Variants in SMIM17 observed in about 807,000 individuals in gnomAD.
SMIM17 encodes the protein small integral membrane protein 17.
A neutral mutation model predicts 12.2 loss-of-function variants in SMIM17; 10 were observed. The observed-to-expected ratio is 0.82, with a 90% CI of 0.50 to 1.39. SMIM17 has a LOEUF of 1.39. Ranked by LOEUF, SMIM17 falls within the 40% of genes most tolerant of loss-of-function variation. The pLI is 0.00. For synonymous variants in SMIM17, 50 were observed against 44.1 expected, an observed-to-expected ratio of 1.13 and a Z score of -0.53; for missense variants, 136 against 118.2, an observed-to-expected ratio of 1.15 and a Z score of -0.70.
At chr19:56,646,200 G>A (rs1163948163) in intron 2 of SMIM17, among the ~76,000 whole-genome samples, 2 of 152,146 alleles carry the variant, frequency 1.3e-5, no homozygotes, top group African/African-American at 2.4e-5. Context: ...CTGAGGACAG[G>A]CCATGTGTCT....
chr19:56,653,007 T>C (rs1419654442), intron 3 of SMIM17, among the ~76,000 whole-genome samples: 1 of 152,244 alleles, frequency 6.6e-6, no homozygotes, highest in Non-Finnish European at 1.5e-5. Context: ...CCTGTATTTA[T>C]TACATTTTCT....
Position 56,645,787 on chromosome 19 carries a change from C to T in SMIM17, c.120C>T (p.Asp40=). 6.5e-7 allele frequency: 1 copy of T among 1,535,850 alleles called. No individual in the cohort carries two copies. Among genetic ancestry groups the T allele is most frequent in the Non-Finnish European group, 8.7e-7 (1 of 1,146,808 alleles). ...CTCCTCATCCCGCCTGCACCAAAGA[C>T]TGGGAGGCTGTGGAGGTTGGGGCCT... The part of the protein sequence containing the change: ...EKPPHPACTK[D]WEAVEVGASS... The change falls in exon 2 of 4, where the codon GAC becomes GAT. Residue 40 remains aspartate (D), a synonymous_variant. Transcript: ENST00000598409.
intron 3 of SMIM17, among the ~76,000 whole-genome samples, chr19:56,654,838 A>G (rs1316047422): frequency 6.6e-6 from 1 of 152,234 alleles, no homozygotes. Context: ...ATTAGAGCAT[A>G]GATGGTATGT....
In SMIM17 at chr19:56,643,200, G is replaced by A. The variant is rs2045036943; in HGVS notation, c.-111G>A. On this transcript the variant is annotated 5_prime_UTR_variant, in exon 1 of 4. Transcript: ENST00000598409. ...GCTCTGCAGAGCCCAGACAGGGTCC[G>A]GTTGGGGAGGGTGAGTCCTTCGAGG... is the stretch of plus-strand genomic sequence containing the variant. 6.6e-6 allele frequency: 1 copy of A among 152,406 alleles called. No individual in the cohort carries two copies. Among genetic ancestry groups the A allele is most frequent in the Non-Finnish European group, 1.5e-5 (1 of 68,200 alleles). The allele number at this position is 152,406 out of a possible 1,614,324, so 9.4% of individuals were successfully genotyped here.
intron 3 of SMIM17, among the ~76,000 whole-genome samples, chr19:56,649,449 CT>C (rs1350664115): frequency 6.6e-6 from 1 of 152,044 alleles, no homozygotes; most frequent in African/African-American, 2.4e-5. Flanking sequence ...AAATAAGCAG[CT>C]AAAATATGAA....
At chr19:56,643,557 C>T (rs1029778235) in intron 1 of SMIM17, among the ~76,000 whole-genome samples, 1 of 152,138 alleles carries the variant, frequency 6.6e-6, no homozygotes, top group South Asian at 2.1e-4. Context: ...GCGCTCGTCT[C>T]GCTGGGGCTT....
chr19:56,646,092 G>C (rs554572439), intron 2 of SMIM17, among the ~76,000 whole-genome samples: 25 of 152,304 alleles, frequency 1.6e-4, no homozygotes, highest in Admixed American at 1.2e-3. Context: ...GCCTGTGCTT[G>C]TCTGTGCAGC....
At chr19:56,650,318 C>T (rs145911704) in intron 3 of SMIM17, among the ~76,000 whole-genome samples, 4 of 152,230 alleles carry the variant, frequency 2.6e-5, no homozygotes, top group African/African-American at 9.6e-5. Context: ...GGACTACAGG[C>T]GCACACCACC....
rs183334761 is a variant in SMIM17, at chr19:56,657,246, G to A, written c.*2033G>A. On this transcript the variant is annotated 3_prime_UTR_variant, in exon 4 of 4. Transcript: ENST00000598409. Reference sequence around the variant, plus strand: ...ACTCAATAAATGTTAATTAAAACCTGATTCTGAATCCTTTGTTAAATATAA... The same window carrying A: ...ACTCAATAAATGTTAATTAAAACCTAATTCTGAATCCTTTGTTAAATATAA... 3.0e-4 allele frequency among the ~76,000 whole-genome samples: 46 copies of A among 152,226 alleles called. No homozygotes were observed. Among genetic ancestry groups the A allele is most frequent in the Admixed American group, 1.8e-3 (28 of 15,288 alleles).
Position 56,647,351 on chromosome 19 carries a change from ATGTGTGTTTGTGTGTGTGTGGGGT to A in SMIM17, c.170-186_170-163del, listed in dbSNP as rs1293662978. 9.8e-3 allele frequency among the ~76,000 whole-genome samples: 1,466 copies of A among 150,348 alleles called. 24 individuals carry two copies. Among genetic ancestry groups the A allele is most frequent in the African/African-American group, 0.034 (1,369 of 40,860 alleles). On this transcript the variant is annotated intron_variant, in intron 2 of 3. Coordinates refer to ENST00000598409, the MANE Select transcript of SMIM17 (RefSeq NM_001193628.2). ...CCCATCTGAATCATCACATAGGCAT[ATGTGTGTTTGTGTGTGTGTGGGGT>A]TGTGTGTTTGTGTGTGTGTGAGAGA...
At chr19:56,643,666 A>C (rs935153851) in intron 1 of SMIM17, among the ~76,000 whole-genome samples, 12 of 152,118 alleles carry the variant, frequency 7.9e-5, no homozygotes, top group African/African-American at 2.9e-4. Context: ...CCTGTGGACC[A>C]CCCTGCAACG....
intron 3 of SMIM17, among the ~76,000 whole-genome samples, chr19:56,652,446 A>T (rs574390362): frequency 6.6e-6 from 1 of 152,172 alleles, no homozygotes; most frequent in Admixed American, 6.5e-5. Flanking sequence ...CGGGGTCAGG[A>T]GTTCAAGACC....
intron 3 of SMIM17, among the ~76,000 whole-genome samples, chr19:56,654,431 C>T (rs146624191): frequency 1.3e-5 from 2 of 152,298 alleles, no homozygotes; most frequent in East Asian, 3.9e-4. Context: ...ATTATCAAGA[C>T]AAGAAACAAA....
At position 56,655,704 on chromosome 19, in the gene SMIM17, T is replaced by C. The variant is rs1440170596; in HGVS notation, c.*491T>C. The C allele has an allele frequency of 1.9e-5, 3 of 155,474 alleles. No individual in the cohort carries two copies. Among genetic ancestry groups the C allele is most frequent in the African/African-American group, 7.2e-5 (3 of 41,566 alleles). The allele number at this position is 155,474 out of a possible 1,614,324, so 9.6% of individuals were successfully genotyped here. ...CTATCTTTGTGAAGTTTTGGTATCA[T>C]GGTTAAGCTTGCATCATAGAAAGAC... On this transcript the variant is annotated 3_prime_UTR_variant, in exon 4 of 4. Coordinates refer to ENST00000598409, the MANE Select transcript of SMIM17 (RefSeq NM_001193628.2).
At chr19:56,649,532 C>T (rs547336842) in intron 3 of SMIM17, among the ~76,000 whole-genome samples, 2 of 152,132 alleles carry the variant, frequency 1.3e-5, no homozygotes, top group South Asian at 2.1e-4. Context: ...GGAGCTGGGG[C>T]TGGGGGTTGC....
In SMIM17 at chr19:56,646,315, G is replaced by C. The variant is rs76651737; in HGVS notation, c.169+479G>C. Reference sequence around the variant, plus strand: ...TTTCAAGCACTGGAAGATTTGAAGAGGAAAAACACATGATCTCATTTGCAT... The same window carrying C: ...TTTCAAGCACTGGAAGATTTGAAGACGAAAAACACATGATCTCATTTGCAT... On this transcript the variant is annotated intron_variant, in intron 2 of 3. Transcript: ENST00000598409. Among the ~76,000 whole-genome samples, 479 of 152,256 alleles carry C rather than the reference G, an allele frequency of 3.1e-3. 5 individuals are homozygous for C. The highest frequency in any genetic ancestry group is 0.011 in the African/African-American group (458 of 41,554).
chr19:56,645,773 G>T lies in SMIM17; in HGVS notation c.106G>T (p.Ala36Ser), dbSNP rs766739930. The T allele has an allele frequency of 1.7e-5, 26 of 1,535,730 alleles. No homozygotes were observed. Among genetic ancestry groups the T allele is most frequent in the Non-Finnish European group, 2.1e-5 (24 of 1,146,808 alleles). Residue 36 changes from alanine to serine, a missense_variant, in exon 2 of 4, where the codon GCC (alanine) becomes TCC (serine). Physicochemically the swap from Ala to Ser is moderately conservative, Grantham distance 99. Coordinates refer to ENST00000598409, the MANE Select transcript of SMIM17 (RefSeq NM_001193628.2). ...GGCCTGGGAGAAGCCTCCTCATCCC[G>T]CCTGCACCAAAGACTGGGAGGCTGT... ...SRAWEKPPHP[A>S]CTKDWEAVEV...
Position 56,657,088 on chromosome 19 carries a change from A to C in SMIM17, c.*1875A>C, listed in dbSNP as rs193018642. Among the ~76,000 whole-genome samples the C allele has an allele frequency of 6.6e-6, 1 of 152,100 alleles. No homozygotes were observed. Among genetic ancestry groups the C allele is most frequent in the East Asian group, 1.9e-4 (1 of 5,190 alleles). On this transcript the variant is annotated 3_prime_UTR_variant, in exon 4 of 4. Transcript: ENST00000598409. ...GTTAGTACAATTGTTTTTGCTAATAAATTTTTATAATCTTTGCTTTATGTA... is the reference window on the plus strand; with the variant it reads ...GTTAGTACAATTGTTTTTGCTAATACATTTTTATAATCTTTGCTTTATGTA...
At chr19:56,650,245 C>T (rs898908911) in intron 3 of SMIM17, among the ~76,000 whole-genome samples, 1 of 152,176 alleles carries the variant, frequency 6.6e-6, no homozygotes, top group African/African-American at 2.4e-5. Context: ...TGGCTTACTG[C>T]TCACTGCAAC....
Sources: allele counts gnomAD v4.1 joint callset (sites outside exome capture counted in the v4.1 genomes callset), GRCh38; gene constraint gnomAD v4.1.1; transcripts MANE v1.5; gene names NCBI Gene and HGNC (gene_info 2026-07-23, HGNC 2026-07-21).